The following LPP variants were observed in gnomAD, a reference collection of about 807,000 sequenced individuals.
LPP encodes lipoma-preferred partner.
In LPP, 38 loss-of-function variants were observed where a neutral mutation model predicts 60.4. That is an observed-to-expected ratio of 0.63 (90% confidence interval 0.49 to 0.83). The LOEUF (loss-of-function observed/expected upper bound fraction) is 0.83. Ranked by LOEUF, LPP falls within the 40% of genes least tolerant of loss-of-function variation. The pLI is 0.00. For synonymous variants in LPP, 328 were observed against 290.8 expected (o/e 1.13, Z -1.30); for missense variants, 902 against 783.6 (o/e 1.15, Z -1.80).
chr3:188,404,430 A>C (rs1198765664), intron 3 of LPP, among the ~76,000 whole-genome samples: 1 of 152,142 alleles, frequency 6.6e-6, no homozygotes, highest in Non-Finnish European at 1.5e-5. Flanking sequence ...TTTTTTGTAG[A>C]GACCGAGTCT....
chr3:188,735,837 T>A (rs965088955), intron 8 of LPP, among the ~76,000 whole-genome samples: 2 of 152,162 alleles, frequency 1.3e-5, no homozygotes, highest in East Asian at 3.8e-4. Context: ...AAACTAGACA[T>A]GGGAGAAGCC....
rs146963908 is a variant in LPP at position 188,747,997 on chromosome 3, T to C, written c.1241-12116T>C. The stretch of plus-strand genomic sequence containing the variant: ...TGCCAGTATTTGTGAGGTACTCATA[T>C]CTTAAAAGTCAGTGTACTCAAATCA... On this transcript the variant is annotated intron_variant, in intron 8 of 11. Coordinates refer to ENST00000617246, the MANE Select transcript of LPP (RefSeq NM_001375462.1). 2.8e-3 allele frequency among the ~76,000 whole-genome samples: 422 copies of C among 152,312 alleles called. 2 individuals carry two copies. Among genetic ancestry groups the C allele is most frequent in the African/African-American group, 9.8e-3 (409 of 41,572 alleles).
chr3:188,390,484 A>G (rs79155954), intron 3 of LPP, among the ~76,000 whole-genome samples: 1,527 of 151,912 alleles, frequency 0.01, 28 homozygotes, highest in African/African-American at 0.035. Context: ...CACCCATGGG[A>G]TAAGCTAGGC....
At chr3:188,336,412 AAAG>A (rs1337258451) in intron 2 of LPP, among the ~76,000 whole-genome samples, 1 of 152,146 alleles carries the variant, frequency 6.6e-6, no homozygotes, top group Non-Finnish European at 1.5e-5. Flanking sequence ...CAACTCCAGG[AAAG>A]AAGGAGTGCA....
At chr3:188,404,678 C>G (rs1250708812) in intron 3 of LPP, among the ~76,000 whole-genome samples, 3 of 152,218 alleles carry the variant, frequency 2.0e-5, no homozygotes, top group African/African-American at 7.2e-5. Flanking sequence ...CACCCTGTCT[C>G]TCTATTACTA....
chr3:188,592,551 G>GTTTTTTTTTTTTTTTTTTTTTTTT lies in LPP; in HGVS notation c.430-16605_430-16604insTTTTTTTTTTTTTTTTTTTTTTTT, dbSNP rs1553936326. Among the ~76,000 whole-genome samples, 155 of 98,212 alleles carry GTTTTTTTTTTTTTTTTTTTTTTTT rather than the reference G, an allele frequency of 1.6e-3. 33 individuals are homozygous for GTTTTTTTTTTTTTTTTTTTTTTTT. Among genetic ancestry groups the GTTTTTTTTTTTTTTTTTTTTTTTT allele is most frequent in the Non-Finnish European group, 2.6e-3 (115 of 44,186 alleles). 64.4% of individuals were successfully genotyped at this position (98,212 alleles called of 152,430 possible). A position where few individuals can be genotyped will look rare whatever the true frequency, so the allele number is the denominator to read the frequency against. On this transcript the variant is annotated intron_variant, in intron 6 of 11. Coordinates refer to ENST00000617246, the MANE Select transcript of LPP (RefSeq NM_001375462.1). ...AATGAGTATCACTGTTTTTAGTTTT[G>GTTTTTTTTTTTTTTTTTTTTTTTT]TTTTTGTTTTTTAAATGGAGTCTCA... is the stretch of plus-strand genomic sequence containing the variant.
At chr3:188,449,324 C>G (rs1231959095) in intron 4 of LPP, among the ~76,000 whole-genome samples, 1 of 152,118 alleles carries the variant, frequency 6.6e-6, no homozygotes, top group Admixed American at 6.6e-5. Context: ...CATCCTTTCT[C>G]CTTCTTCCAT....
rs1253925852 is a variant in LPP, at chr3:188,889,548, A to G, written c.*15069A>G. ...AGATACCTCCACTTAACCTTTATCC[A>G]AGGAAGCTCTTGGTGTCCTCTTGGT... On this transcript the variant is annotated 3_prime_UTR_variant, in exon 12 of 12. Coordinates refer to ENST00000617246, the MANE Select transcript of LPP (RefSeq NM_001375462.1). 4.4e-6 allele frequency: 1 copy of G among 229,264 alleles called. No homozygotes were observed. The highest frequency in any genetic ancestry group is 8.7e-6 in the Non-Finnish European group (1 of 115,602). 14.2% of individuals were successfully genotyped at this position (229,264 alleles called of 1,614,324 possible). A position where few individuals can be genotyped will look rare whatever the true frequency, so the allele number is the denominator to read the frequency against.
chr3:188,738,896 G>C (rs1008462449), intron 8 of LPP, among the ~76,000 whole-genome samples: 1 of 152,084 alleles, frequency 6.6e-6, no homozygotes, highest in Admixed American at 6.6e-5. Flanking sequence ...CTCGCTATCT[G>C]ATTGGTCTTT....
At chr3:188,631,620 T>C (rs937521846) in intron 7 of LPP, among the ~76,000 whole-genome samples, 1 of 152,210 alleles carries the variant, frequency 6.6e-6, no homozygotes, top group Non-Finnish European at 1.5e-5. Flanking sequence ...ACTCAATTTC[T>C]GTCTCTATGC....
intron 1 of LPP, among the ~76,000 whole-genome samples, chr3:188,178,333 G>A (rs750665917): frequency 9.9e-5 from 15 of 152,268 alleles, no homozygotes; most frequent in Middle Eastern, 6.8e-3. Flanking sequence ...TCCTCCTCAC[G>A]CTGAGACCCA....
rs374503335 is a variant in LPP at position 188,706,054 on chromosome 3, T to C, written c.1114-2213T>C. ...CAGAAGGTACACAAAATAAACCCTG[T>C]AAGAATGAGTGGATAAAACAATAAA... is the stretch of plus-strand genomic sequence containing the variant. On this transcript the variant is annotated intron_variant, in intron 7 of 11. Coordinates refer to ENST00000617246, the MANE Select transcript of LPP (RefSeq NM_001375462.1). 3.2e-4 allele frequency among the ~76,000 whole-genome samples: 48 copies of C among 152,328 alleles called. 2 individuals are homozygous for C. In the South Asian group the frequency reaches 9.5e-3, roughly 30 times the overall value.
At chr3:188,533,476 T>C (rs1043261034) in intron 6 of LPP, among the ~76,000 whole-genome samples, 3 of 152,224 alleles carry the variant, frequency 2.0e-5, no homozygotes, top group Middle Eastern at 3.2e-3. Flanking sequence ...GATAGTGGCA[T>C]CTTCCTCCTC....
intron 9 of LPP, among the ~76,000 whole-genome samples, chr3:188,855,602 G>T (rs943477811): frequency 6.6e-6 from 1 of 152,124 alleles, no homozygotes; most frequent in Non-Finnish European, 1.5e-5. Flanking sequence ...CCAAATGATT[G>T]TTCATTCATT....
At chr3:188,581,521 T>TGAG (rs2150985390) in intron 6 of LPP, among the ~76,000 whole-genome samples, 1 of 152,298 alleles carries the variant, frequency 6.6e-6, no homozygotes, top group East Asian at 1.9e-4. Context: ...TCCACATTGC[T>TGAG]GTCATTCATT....
intron 6 of LPP, among the ~76,000 whole-genome samples, chr3:188,566,791 C>T (rs1191898270): frequency 3.3e-5 from 5 of 151,696 alleles, no homozygotes; most frequent in Non-Finnish European, 1.5e-5. Flanking sequence ...ATTTAATGCC[C>T]ACTAAGCTCA....
chr3:188,851,176 T>G (rs73888944), intron 9 of LPP, among the ~76,000 whole-genome samples: 2,801 of 152,296 alleles, frequency 0.018, 79 homozygotes, highest in African/African-American at 0.063. Context: ...TAGAGGGAAT[T>G]TATAGATCAG....
chr3:188,516,574 C>T (rs1046673681), intron 5 of LPP, among the ~76,000 whole-genome samples: 2 of 150,246 alleles, frequency 1.3e-5, no homozygotes, highest in Non-Finnish European at 2.9e-5. Context: ...ACTATAAATT[C>T]ACTCAGTACC....
At chr3:188,556,407 T>C (rs1161263447) in intron 6 of LPP, among the ~76,000 whole-genome samples, 1 of 152,074 alleles carries the variant, frequency 6.6e-6, no homozygotes, top group African/African-American at 2.4e-5. Context: ...ATTGGGAAGA[T>C]TGCAAAAATT....
Sources: gnomAD v4.1 joint callset for allele counts (sites outside exome capture counted in the v4.1 genomes callset) on GRCh38, gnomAD v4.1.1 for gene constraint, MANE v1.5 for transcripts, NCBI Gene and HGNC (gene_info 2026-07-23, HGNC 2026-07-21) for gene names.